The following PLA2G4E variants were observed in gnomAD, a reference collection of about 807,000 sequenced individuals.
The protein encoded by PLA2G4E is cytosolic phospholipase A2 epsilon.
PLA2G4E carries 84 observed loss-of-function variants against 109.1 expected under a neutral mutation model. The ratio of observed to expected loss-of-function variants is 0.77; its 90% CI spans 0.65 to 0.92. The LOEUF (loss-of-function observed/expected upper bound fraction) is 0.92. PLA2G4E is among the 40% of genes least tolerant of loss of function. The pLI is 0.00. For synonymous variants in PLA2G4E, 469 were observed against 436.1 expected (o/e 1.08, Z -0.94); for missense variants, 1,057 against 1,076.6 (o/e 0.98, Z 0.25).
chr15:42,036,346 A>G (rs2412654), intron 1 of PLA2G4E, among the ~76,000 whole-genome samples: 20,430 of 152,110 alleles, frequency 0.13, 3,354 homozygotes, highest in African/African-American at 0.39. Context: ...CTGGGCCCAG[A>G]GCGGTGCTGC....
chr15:42,013,892 T>G (rs918950476), intron 1 of PLA2G4E, 135 bp from the exon 2 acceptor site: 6 of 603,772 alleles, frequency 9.9e-6, no homozygotes, highest in South Asian at 2.3e-5. Flanking sequence ...GTTTTTTTTT[T>G]TTTTTTTTTT....
At chr15:42,008,921 A>T (rs1255204090) in intron 2 of PLA2G4E, 3 of 152,218 alleles carry the variant, frequency 2.0e-5, no homozygotes, top group African/African-American at 7.2e-5. Context: ...ATTAATAGTC[A>T]CTGATGAGAG....
chr15:41,998,390 AC>A (rs2068374989), intron 10 of PLA2G4E: 1 of 152,236 alleles, frequency 6.6e-6, no homozygotes, highest in Admixed American at 6.5e-5. Flanking sequence ...CAGATGGATT[AC>A]TGAGTACTTC....
intron 1 of PLA2G4E, among the ~76,000 whole-genome samples, chr15:42,038,652 C>G (rs576261357): frequency 6.6e-6 from 1 of 152,344 alleles, no homozygotes; most frequent in South Asian, 2.1e-4. Context: ...TAGCAGGCCA[C>G]AGACCAGTAC....
intron 1 of PLA2G4E, among the ~76,000 whole-genome samples, chr15:42,029,723 A>T (rs542442871): frequency 1.9e-4 from 29 of 152,340 alleles, no homozygotes; most frequent in African/African-American, 7.0e-4. Context: ...GAGCTTCTCC[A>T]TCTGTAAAGT....
At chr15:41,996,379 A>AC (rs2068341412) in intron 11 of PLA2G4E, among the ~76,000 whole-genome samples, 1 of 116,816 alleles carries the variant, frequency 8.6e-6, no homozygotes, top group African/African-American at 2.9e-5. Context: ...AAAAAAAAAA[A>AC]GGAGGGAGGA....
intron 12 of PLA2G4E, among the ~76,000 whole-genome samples, chr15:41,994,140 C>A (rs1312490769): frequency 1.3e-5 from 2 of 152,238 alleles, no homozygotes; most frequent in African/African-American, 4.8e-5. Flanking sequence ...CTGAGTGTCC[C>A]TGGCAAATTA....
rs2068106985 is a variant in PLA2G4E, at chr15:41,984,431, C to T, written c.2386+5G>A. The T allele has an allele frequency of 1.2e-6, 2 of 1,608,682 alleles. 1 individual carries two copies. The highest frequency in any genetic ancestry group is 3.3e-5 in the Admixed American group (2 of 59,760). On this transcript the variant is annotated splice_donor_5th_base_variant and intron_variant, in intron 19 of 19. Coordinates refer to ENST00000399518, the Ensembl canonical transcript of PLA2G4E. ...TGCTGGGAACTGAGCACAGAGGCAG[C>T]TCACCTGGTGCCTTGTATTTTCGGA...
intron 1 of PLA2G4E, among the ~76,000 whole-genome samples, chr15:42,015,289 C>G (rs1391262702): frequency 6.6e-6 from 1 of 152,224 alleles, no homozygotes; most frequent in African/African-American, 2.4e-5. Flanking sequence ...TCTCTGGACC[C>G]TACAGCAACA....
chr15:41,994,856 TA>T (rs1351736666), intron 12 of PLA2G4E, among the ~76,000 whole-genome samples: 1 of 152,258 alleles, frequency 6.6e-6, no homozygotes, highest in Non-Finnish European at 1.5e-5. Context: ...CCCCTAAAAG[TA>T]CAGTGAGCCG....
At chr15:41,983,631 G>T in exon 20 of PLA2G4E, 2 of 871,742 alleles carry the variant, frequency 2.3e-6, no homozygotes, top group Non-Finnish European at 3.5e-6. Flanking sequence ...GAAAGCCCAG[G>T]CCAACCTGCT....
At chr15:42,024,686 A>G (rs1169244899) in intron 1 of PLA2G4E, among the ~76,000 whole-genome samples, 3 of 152,044 alleles carry the variant, frequency 2.0e-5, no homozygotes, top group Non-Finnish European at 4.4e-5. Context: ...ACCTGTCTCC[A>G]GCCTCCTCTC....
At chr15:41,983,495 G>T in exon 20 of PLA2G4E, 2 of 476,754 alleles carry the variant, frequency 4.2e-6, no homozygotes, top group South Asian at 6.0e-5. Context: ...GGAGCCTGTG[G>T]CTATGAGACC....
intron 1 of PLA2G4E, among the ~76,000 whole-genome samples, chr15:42,015,956 T>C (rs2068589966): frequency 6.6e-6 from 1 of 152,214 alleles, no homozygotes; most frequent in Non-Finnish European, 1.5e-5. Flanking sequence ...CTGAGAGTTT[T>C]ACCCACGCTT....
At chr15:42,026,396 T>C (rs1464319614) in intron 1 of PLA2G4E, among the ~76,000 whole-genome samples, 1 of 152,170 alleles carries the variant, frequency 6.6e-6, no homozygotes, top group East Asian at 1.9e-4. Flanking sequence ...TCCCATTTCA[T>C]ACCATATAAA....
chr15:41,990,316 A>C (rs1595558426), intron 13 of PLA2G4E, 81 bp from the exon 14 acceptor site: 18 of 1,272,070 alleles, frequency 1.4e-5, no homozygotes, highest in East Asian at 2.4e-5. Flanking sequence ...GACAATCTGG[A>C]CCCCCGCAGC....
At chr15:41,987,349 G>A (rs371201243) in exon 17 of PLA2G4E, 1 of 1,613,854 alleles carries the variant, frequency 6.2e-7, no homozygotes, top group Non-Finnish European at 8.5e-7. Context: ...TCACATTTGG[G>A]GATTTCAGGC....
At chr15:41,989,682 C>T (rs2068210882) in intron 14 of PLA2G4E, 130 bp from the exon 15 acceptor site, 1 of 1,279,892 alleles carries the variant, frequency 7.8e-7, no homozygotes, top group Non-Finnish European at 1.1e-6. Flanking sequence ...CGCAGTTCCC[C>T]CAAAGGACAC....
chr15:42,024,925 G>A (rs1365092464), intron 1 of PLA2G4E, among the ~76,000 whole-genome samples: 1 of 152,132 alleles, frequency 6.6e-6, no homozygotes, highest in Non-Finnish European at 1.5e-5. Flanking sequence ...GAGGAGCCAG[G>A]CGCGGTGGCT....
Sources: gnomAD v4.1 joint callset for allele counts (sites outside exome capture counted in the v4.1 genomes callset) on GRCh38, gnomAD v4.1.1 for gene constraint, MANE v1.5 for transcripts, NCBI Gene and HGNC (gene_info 2026-07-23, HGNC 2026-07-21) for gene names.